RNASE1: variants seen among roughly 807,000 people sequenced by gnomAD.
The protein encoded by RNASE1 is ribonuclease A family member 1, pancreatic, also known as ribonuclease pancreatic.
For synonymous variants in RNASE1, 64 were observed against 78.6 expected (o/e 0.81, Z 0.98); for missense variants, 203 against 201.0 (o/e 1.01, Z -0.06).
chr14:20,801,592 C>G lies in RNASE1; in HGVS notation c.*6G>C. On this transcript the variant is annotated 3_prime_UTR_variant, in exon 2 of 2. Coordinates refer to ENST00000397967, the MANE Select transcript of RNASE1 (RefSeq NM_002933.5). ...GAGGGAGGTGGGGTATCTCGCTGCT[C>G]TGACCTTAGGTAGAGTCCTCCACAG... is the stretch of plus-strand genomic sequence containing the variant. 2 of 1,607,946 alleles carry G rather than the reference C, an allele frequency of 1.2e-6. No individual in the cohort carries two copies. The highest frequency in any genetic ancestry group is 1.7e-6 in the Non-Finnish European group (2 of 1,174,928).
At position 20,802,037 on chromosome 14, in the gene RNASE1, A is replaced by G. The variant is rs2138597288; in HGVS notation, c.32T>C (p.Leu11Pro). The G allele has an allele frequency of 6.2e-7, 1 of 1,604,076 alleles. No homozygotes were observed. The highest frequency in any genetic ancestry group is 1.3e-5 in the African/African-American group (1 of 75,010). The part of the protein sequence containing the change: MALEKSLVRL[L>P]LLVLILLVLG... ...CACCAGCAGTATCAGGACAAGCAGA[A>G]GGAGCCGGACAAGAGACTTCTCCAG... Residue 11 changes from leucine to proline, a missense_variant, in exon 2 of 2, where the codon CTT becomes CCT. Leu to Pro is a moderately conservative substitution (Grantham distance 98). Coordinates refer to ENST00000397967, the MANE Select transcript of RNASE1 (RefSeq NM_002933.5).
In RNASE1 at chr14:20,801,947, A is replaced by G. The variant is rs1368258725; in HGVS notation, c.122T>C (p.Met41Thr). 6.2e-7 allele frequency: 1 copy of G among 1,613,982 alleles called. No individual in the cohort carries two copies. The change falls in exon 2 of 2, where the codon ATG becomes ACG. Residue 41 changes from methionine to threonine, a missense_variant. By Grantham distance (81) the Met-to-Thr change is moderately conservative. Transcript: ENST00000397967. Reference protein sequence around the residue: ...SRAKKFQRQHMDSDSSPSSSS... With the variant: ...SRAKKFQRQHTDSDSSPSSSS... ...GCTGCTGGGGGAACTGTCTGAGTCC[A>G]TATGCTGCCGCTGGAATTTCTTGGC...
Position 20,801,595 on chromosome 14 carries a change from A to G in RNASE1, c.*3T>C, listed in dbSNP as rs1266236282. On this transcript the variant is annotated 3_prime_UTR_variant, in exon 2 of 2. Transcript: ENST00000397967. ...GGAGGTGGGGTATCTCGCTGCTCTGACCTTAGGTAGAGTCCTCCACAGAAG... is the reference window on the plus strand; with the variant it reads ...GGAGGTGGGGTATCTCGCTGCTCTGGCCTTAGGTAGAGTCCTCCACAGAAG... The G allele has an allele frequency of 3.7e-6, 6 of 1,609,456 alleles. No individual in the cohort carries two copies. Among genetic ancestry groups the G allele is most frequent in the African/African-American group, 2.7e-5 (2 of 74,786 alleles).
At position 20,802,829 on chromosome 14, in the gene RNASE1, GA is replaced by G. The variant is rs1879463640; in HGVS notation, c.-59del. The G allele has an allele frequency of 6.6e-6, 1 of 152,374 alleles. No individual in the cohort carries two copies. Among genetic ancestry groups the G allele is most frequent in the South Asian group, 2.1e-4 (1 of 4,836 alleles). 9.4% of individuals were successfully genotyped at this position (152,374 alleles called of 1,614,324 possible). On this transcript the variant is annotated 5_prime_UTR_variant, in exon 1 of 2. Coordinates refer to ENST00000397967, the MANE Select transcript of RNASE1 (RefSeq NM_002933.5). ...TGCAGCTTGGTGTCTGAGAGAGATGGAAGGCCAGTTTCTGCAATCACTCAGC... is the reference window on the plus strand; with the variant it reads ...TGCAGCTTGGTGTCTGAGAGAGATGGAGGCCAGTTTCTGCAATCACTCAGC...
rs1268626547 is a variant in RNASE1, at chr14:20,802,823, G to C, written c.-52C>G. ...TGGATCTGCAGCTTGGTGTCTGAGA[G>C]AGATGGAAGGCCAGTTTCTGCAATC... is the stretch of plus-strand genomic sequence containing the variant. On this transcript the variant is annotated 5_prime_UTR_variant, in exon 1 of 2. Transcript: ENST00000397967. 6.6e-6 allele frequency: 1 copy of C among 152,492 alleles called. No individual in the cohort carries two copies. The highest frequency in any genetic ancestry group is 2.4e-5 in the African/African-American group (1 of 41,578). The allele number at this position is 152,492 out of a possible 1,614,324, so 9.4% of individuals were successfully genotyped here.
At chr14:20,802,134 G>C in intron 1 of RNASE1, 41 bp from the exon 2 acceptor site, 1 of 1,253,978 alleles carries the variant, frequency 8.0e-7, no homozygotes, top group Admixed American at 2.8e-5. Context: ...AGCCCTCTTA[G>C]AAAAAGAACT....
At position 20,801,787 on chromosome 14, in the gene RNASE1, C is replaced by A; in HGVS notation, c.282G>T (p.Lys94Asn). Residue 94 changes from lysine to asparagine, a missense_variant, in exon 2 of 2, where the codon AAG (lysine) becomes AAT (asparagine). Transcript: ENST00000397967. ...NVCFQEKVTCKNGQGNCYKSN... is the reference protein window; with the variant it reads ...NVCFQEKVTCNNGQGNCYKSN... The stretch of plus-strand genomic sequence containing the variant: ...TCTTGTAGCAGTTGCCCTGCCCGTT[C>A]TTGCAGGTGACCTTTTCCTGGAAAC... The A allele has an allele frequency of 6.2e-7, 1 of 1,614,200 alleles. No homozygotes were observed. The highest frequency in any genetic ancestry group is 8.5e-7 in the Non-Finnish European group (1 of 1,180,048).
chr14:20,802,534 C>T (rs1566375485), intron 1 of RNASE1: 2 of 157,920 alleles, frequency 1.3e-5, no homozygotes, highest in Non-Finnish European at 2.8e-5. Context: ...CTGACACTGG[C>T]ATCATAAAAG....
chr14:20,801,583 C>T lies in RNASE1; in HGVS notation c.*15G>A, dbSNP rs763061287. 1 of 1,602,362 alleles carries T rather than the reference C, an allele frequency of 6.2e-7. No individual in the cohort carries two copies. Among genetic ancestry groups the T allele is most frequent in the South Asian group, 1.1e-5 (1 of 90,854 alleles). ...GATGAGGTTGAGGGAGGTGGGGTAT[C>T]TCGCTGCTCTGACCTTAGGTAGAGT... is the stretch of plus-strand genomic sequence containing the variant. On this transcript the variant is annotated 3_prime_UTR_variant, in exon 2 of 2. Transcript: ENST00000397967.
intron 1 of RNASE1, 143 bp downstream of exon 1, chr14:20,802,653 GC>G: frequency 6.5e-6 from 1 of 153,322 alleles, no homozygotes; most frequent in Non-Finnish European, 1.5e-5. Flanking sequence ...TGACCCCTCT[GC>G]CCCCAGCTGA....
chr14:20,801,334 C>A lies in RNASE1; in HGVS notation c.*264G>T, dbSNP rs1176927596. 3.9e-6 allele frequency: 2 copies of A among 509,420 alleles called. No homozygotes were observed. The highest frequency in any genetic ancestry group is 7.1e-6 in the Non-Finnish European group (2 of 282,270). The allele number at this position is 509,420 out of a possible 1,614,324, so 31.6% of individuals were successfully genotyped here. A position where few individuals can be genotyped will look rare whatever the true frequency, so the allele number is the denominator to read the frequency against. On this transcript the variant is annotated 3_prime_UTR_variant, in exon 2 of 2. Transcript: ENST00000397967. ...TGGAAGGCAATGCCAGAAACAGTAC[C>A]TAGACAGAACCGCTTCAGAAATCAG... is the stretch of plus-strand genomic sequence containing the variant.
At chr14:20,802,747 G>C (rs1282663284) in intron 1 of RNASE1, 50 bp downstream of exon 1, 1 of 152,202 alleles carries the variant, frequency 6.6e-6, no homozygotes, top group Non-Finnish European at 1.5e-5. Context: ...TCCCTCTTCT[G>C]CAACCCTGAA....
rs1879386414 is a variant in RNASE1 at position 20,801,526 on chromosome 14, G to A, written c.*72C>T. ...ACTGTAGTTACTTCTTTCACAGCAGGGAAGGAAGAGGGAAGAGGCAGCTGT... is the reference window on the plus strand; with the variant it reads ...ACTGTAGTTACTTCTTTCACAGCAGAGAAGGAAGAGGGAAGAGGCAGCTGT... On this transcript the variant is annotated 3_prime_UTR_variant, in exon 2 of 2. Coordinates refer to ENST00000397967, the MANE Select transcript of RNASE1 (RefSeq NM_002933.5). 7.9e-7 allele frequency: 1 copy of A among 1,265,596 alleles called. No individual in the cohort carries two copies. The highest frequency in any genetic ancestry group is 1.5e-5 in the African/African-American group (1 of 67,888). 78.4% of individuals were successfully genotyped at this position (1,265,596 alleles called of 1,614,324 possible). A position where few individuals can be genotyped will look rare whatever the true frequency, so the allele number is the denominator to read the frequency against.
rs781060801 is a variant in RNASE1, at chr14:20,801,689, G to A, written c.380C>T (p.Thr127Ile). 6.2e-7 allele frequency: 1 copy of A among 1,614,162 alleles called. No individual in the cohort carries two copies. Among genetic ancestry groups the A allele is most frequent in the South Asian group, 1.1e-5 (1 of 91,078 alleles). Residue 127 changes from threonine (T) to isoleucine (I), a missense_variant, in exon 2 of 2, where the codon ACC (threonine) becomes ATC (isoleucine). Coordinates refer to ENST00000397967, the MANE Select transcript of RNASE1 (RefSeq NM_002933.5). ...GSRYPNCAYR[T>I]SPKERHIIVA... Reference sequence around the variant, plus strand: ...AATGATGTGTCTCTCCTTCGGGCTGGTCCGGTATGCACAGTTGGGGTACCT... The same window carrying A: ...AATGATGTGTCTCTCCTTCGGGCTGATCCGGTATGCACAGTTGGGGTACCT...
intron 1 of RNASE1, chr14:20,802,495 T>C (rs1879451421): frequency 6.0e-6 from 1 of 167,882 alleles, no homozygotes; most frequent in Admixed American, 5.5e-5. Flanking sequence ...CCTTGTTGTC[T>C]TGGAGCATAA....
chr14:20,801,545 CA>C lies in RNASE1; in HGVS notation c.*52del, dbSNP rs1879387657. The C allele has an allele frequency of 6.9e-7, 1 of 1,449,314 alleles. No homozygotes were observed. Among genetic ancestry groups the C allele is most frequent in the Admixed American group, 1.7e-5 (1 of 58,110 alleles). 89.8% of individuals were successfully genotyped at this position (1,449,314 alleles called of 1,614,324 possible). On this transcript the variant is annotated 3_prime_UTR_variant, in exon 2 of 2. Coordinates refer to ENST00000397967, the MANE Select transcript of RNASE1 (RefSeq NM_002933.5). ...CAGCAGGGAAGGAAGAGGGAAGAGG[CA>C]GCTGTGGAGAGGATGAGGTTGAGGG... is the stretch of plus-strand genomic sequence containing the variant.
intron 1 of RNASE1, 130 bp downstream of exon 1, chr14:20,802,667 T>C (rs1164537645): frequency 6.5e-6 from 1 of 153,112 alleles, no homozygotes; most frequent in African/African-American, 2.4e-5. Flanking sequence ...CCAGCTGATG[T>C]TTGCCTGGGC....
At chr14:20,802,451 G>T (rs575208864) in intron 1 of RNASE1, 104 of 177,782 alleles carry the variant, frequency 5.8e-4, no homozygotes, top group Admixed American at 1.1e-4. Context: ...GAACCAAATT[G>T]TATCCCCGAC....
Position 20,802,002 on chromosome 14 carries a change from C to T in RNASE1, c.67G>A (p.Val23Ile). 1 of 1,610,804 alleles carries T rather than the reference C, an allele frequency of 6.2e-7. No individual in the cohort carries two copies. The highest frequency in any genetic ancestry group is 8.5e-7 in the Non-Finnish European group (1 of 1,179,958). The change falls in exon 2 of 2, where the codon GTC becomes ATC. Residue 23 changes from valine (V) to isoleucine (I), a missense_variant. By Grantham distance (29) the Val-to-Ile change is conservative. Transcript: ENST00000397967. ...LVLILLVLGW[V>I]QPSLGKESRA... ...GATTCCTTGCCCAGGGAAGGCTGGA[C>T]CCAGCCCAGCACCAGCAGTATCAGG...
Sources: gnomAD v4.1 joint callset for allele counts on GRCh38, gnomAD v4.1.1 for gene constraint, MANE v1.5 for transcripts, NCBI Gene and HGNC (gene_info 2026-07-23, HGNC 2026-07-21) for gene names.